UGGT2: variants seen among roughly 807,000 people sequenced by gnomAD.
UGGT2 encodes UDP-glucose:glycoprotein glucosyltransferase 2.
A neutral mutation model predicts 192.1 loss-of-function variants in UGGT2; 180 were observed. That is an observed-to-expected ratio of 0.94 (90% CI 0.83 to 1.06). The LOEUF (loss-of-function observed/expected upper bound fraction) is 1.06, where lower values mean the gene tolerates loss of function less well. Ranked by LOEUF, UGGT2 falls within the 50% of genes least tolerant of loss-of-function variation. UGGT2 has a pLI of 0.00. For synonymous variants in UGGT2, 580 were observed against 591.0 expected (o/e 0.98, Z 0.27); for missense variants, 1,849 against 1,795.7 (o/e 1.03, Z -0.54).
chr13:95,850,391 G>A (rs1226183919), intron 36 of UGGT2, among the ~76,000 whole-genome samples: 2 of 152,216 alleles, frequency 1.3e-5, no homozygotes. Flanking sequence ...GAGCCTATGG[G>A]AGTGGCATAA....
intron 21 of UGGT2, among the ~76,000 whole-genome samples, chr13:95,901,800 T>C (rs1391980382): frequency 6.6e-6 from 1 of 152,100 alleles, no homozygotes; most frequent in East Asian, 1.9e-4. Flanking sequence ...CCCTGATCTT[T>C]ACCTCCAAAA....
chr13:95,859,836 C>CT (rs1889990819), intron 32 of UGGT2, 161 bp from the exon 33 acceptor site: 2 of 448,758 alleles, frequency 4.5e-6, no homozygotes, highest in Non-Finnish European at 8.0e-6. Flanking sequence ...TTACATAGGT[C>CT]TTTTAAAGGC....
At chr13:95,825,119 T>A (rs1885891184) in intron 38 of UGGT2, among the ~76,000 whole-genome samples, 1 of 152,160 alleles carries the variant, frequency 6.6e-6, no homozygotes. Flanking sequence ...TTGGCAAGTT[T>A]GCTATCTCCT....
In UGGT2 at chr13:95,940,079, C is replaced by CT; in HGVS notation, c.1689dup (p.Val564SerfsTer25). On this transcript the variant is annotated frameshift_variant, in exon 16 of 39. Transcript: ENST00000376747. LOFTEE classifies it high-confidence loss of function. Reference sequence around the variant, plus strand: ...GTGAGTATATTTTGATCCTTCTTCACTTTTTGGTACATCTGTGAAAATTTA... The same window carrying CT: ...GTGAGTATATTTTGATCCTTCTTCACTTTTTTGGTACATCTGTGAAAATTTA... 6.7e-7 allele frequency: 1 copy of CT among 1,497,760 alleles called. No individual in the cohort carries two copies. Among genetic ancestry groups the CT allele is most frequent in the Admixed American group, 2.3e-5 (1 of 44,166 alleles). 92.8% of individuals were successfully genotyped at this position (1,497,760 alleles called of 1,614,324 possible).
chr13:95,829,795 G>T (rs897753390), intron 38 of UGGT2, among the ~76,000 whole-genome samples: 1 of 151,830 alleles, frequency 6.6e-6, no homozygotes, highest in African/African-American at 2.4e-5. Context: ...AGTTCATATG[G>T]AACCAAAAAA....
chr13:95,927,595 C>G (rs1566709590), intron 17 of UGGT2, among the ~76,000 whole-genome samples: 1 of 151,672 alleles, frequency 6.6e-6, no homozygotes, highest in Admixed American at 6.6e-5. Flanking sequence ...CTATTGTGAG[C>G]AGGACAATTC....
chr13:96,000,790 T>C (rs1566812057), intron 5 of UGGT2, among the ~76,000 whole-genome samples: 1 of 152,174 alleles, frequency 6.6e-6, no homozygotes, highest in South Asian at 2.1e-4. Context: ...AGTGTGTTGA[T>C]ATAAAATTTG....
At chr13:95,992,363 T>C (rs1193598170) in intron 7 of UGGT2, among the ~76,000 whole-genome samples, 1 of 152,232 alleles carries the variant, frequency 6.6e-6, no homozygotes, top group African/African-American at 2.4e-5. Flanking sequence ...AGCTATGATT[T>C]CTTTCAGCAG....
chr13:95,833,949 G>C (rs1555336485), intron 37 of UGGT2, among the ~76,000 whole-genome samples: 1 of 152,118 alleles, frequency 6.6e-6, no homozygotes, highest in Non-Finnish European at 1.5e-5. Flanking sequence ...TTATTTCTTA[G>C]GGGAAAGCTA....
At chr13:95,993,573 AC>A (rs1410783666) in intron 7 of UGGT2, among the ~76,000 whole-genome samples, 1 of 152,176 alleles carries the variant, frequency 6.6e-6, no homozygotes, top group Non-Finnish European at 1.5e-5. Flanking sequence ...CTAAATAAAT[AC>A]CTTACTTAGA....
At chr13:95,873,052 A>G (rs758633557) in intron 29 of UGGT2, among the ~76,000 whole-genome samples, 17 of 152,222 alleles carry the variant, frequency 1.1e-4, no homozygotes, top group Non-Finnish European at 2.1e-4. Context: ...AGTTGGTGGT[A>G]CAGAAGGGAT....
intron 9 of UGGT2, among the ~76,000 whole-genome samples, chr13:95,984,557 T>C (rs371514180): frequency 4.6e-5 from 7 of 152,126 alleles, no homozygotes; most frequent in African/African-American, 1.2e-4. Flanking sequence ...CTAAAACTCC[T>C]GGCCTCAAGT....
intron 37 of UGGT2, among the ~76,000 whole-genome samples, chr13:95,833,586 A>C (rs1381353798): frequency 6.6e-6 from 1 of 152,194 alleles, no homozygotes; most frequent in Non-Finnish European, 1.5e-5. Context: ...ATCAGTTTAA[A>C]CTATTGAGTA....
chr13:95,859,570 C>CA lies in UGGT2; in HGVS notation c.3825+20dup, dbSNP rs1475047366. 3.8e-6 allele frequency: 6 copies of CA among 1,563,812 alleles called. No individual in the cohort carries two copies. The South Asian group carries it at 5.7e-5, about 15-fold the overall frequency. ...TACTATTCAAACATTAACCATTCTA[C>CA]AAAAAAAGCTATGTACTTACTTTAA... On this transcript the variant is annotated intron_variant, in intron 33 of 38. Coordinates refer to ENST00000376747, the MANE Select transcript of UGGT2 (RefSeq NM_020121.4).
chr13:95,975,674 T>C (rs1040730859), intron 10 of UGGT2, among the ~76,000 whole-genome samples: 2 of 152,180 alleles, frequency 1.3e-5, no homozygotes, highest in African/African-American at 4.8e-5. Context: ...AGCTGAGCTA[T>C]TACCTGAAGC....
chr13:95,909,379 T>A (rs1594296424), intron 20 of UGGT2, among the ~76,000 whole-genome samples: 2 of 151,636 alleles, frequency 1.3e-5, no homozygotes, highest in South Asian at 4.2e-4. Flanking sequence ...TAGACTGGAT[T>A]AAGAAAATGT....
intron 11 of UGGT2, among the ~76,000 whole-genome samples, chr13:95,970,780 TA>T (rs1248217271): frequency 2.0e-5 from 3 of 152,150 alleles, no homozygotes; most frequent in Non-Finnish European, 4.4e-5. Context: ...ACATCAACAA[TA>T]ACCCCATTGA....
intron 7 of UGGT2, among the ~76,000 whole-genome samples, chr13:95,993,755 G>C (rs1243684028): frequency 6.6e-6 from 1 of 152,106 alleles, no homozygotes; most frequent in Non-Finnish European, 1.5e-5. Flanking sequence ...ACCACCCTGA[G>C]AGTCCTTCAT....
chr13:96,021,938 T>G (rs1047666631), intron 4 of UGGT2, among the ~76,000 whole-genome samples: 1 of 152,098 alleles, frequency 6.6e-6, no homozygotes, highest in African/African-American at 2.4e-5. Context: ...ACAAGGCTTT[T>G]GGGGAAGGGG....
Sources: gnomAD v4.1 joint callset for allele counts (sites outside exome capture counted in the v4.1 genomes callset) on GRCh38, gnomAD v4.1.1 for gene constraint, MANE v1.5 for transcripts, NCBI Gene and HGNC (gene_info 2026-07-23, HGNC 2026-07-21) for gene names.